Variants in RGS3 observed in about 807,000 individuals in gnomAD.
The protein encoded by RGS3 is regulator of G protein signaling 3.
A neutral mutation model predicts 132.6 loss-of-function variants in RGS3; 80 were observed. The observed-to-expected ratio is 0.60, with a 90% CI of 0.50 to 0.73. The LOEUF is 0.73. RGS3 is among the 30% of genes least tolerant of loss of function. RGS3 has a pLI of 0.00. For missense variants in RGS3, 1,382 were observed against 1,530.8 expected (o/e 0.90, Z 1.62); for synonymous variants, 598 against 620.6 (o/e 0.96, Z 0.54).
rs764386791 is a variant in RGS3 at position 113,595,759 on chromosome 9, C to G, written c.3405C>G (p.Cys1135Trp). ...CTGAATACATCGCGATCCAGGCATG[C>G]AAGGAGGTAGGACCTCAGGGCAGAC... Residue 1135 changes from cysteine (C) to tryptophan (W), a missense_variant, in exon 24 of 25, where the codon TGC becomes TGG. By Grantham distance (215) the Cys-to-Trp change is radical. Coordinates refer to ENST00000350696, the Ensembl canonical transcript of RGS3. The G allele has an allele frequency of 2.2e-5, 36 of 1,613,796 alleles. 2 individuals are homozygous for G. In the Admixed American group the frequency reaches 5.8e-4, roughly 26 times the overall value.
chr9:113,582,367 C>G (rs530774338), intron 19 of RGS3: 1 of 242,026 alleles, frequency 4.1e-6, no homozygotes, highest in Admixed American at 6.5e-5. Flanking sequence ...CCAGTGTGCG[C>G]GTGTGCCCGC....
chr9:113,464,567 A>G lies in RGS3; in HGVS notation c.415+2366A>G, dbSNP rs115960495. Among the ~76,000 whole-genome samples, 252 of 152,038 alleles carry G rather than the reference A, an allele frequency of 1.7e-3. 2 individuals are homozygous for G. Among genetic ancestry groups the G allele is most frequent in the African/African-American group, 5.6e-3 (232 of 41,470 alleles). The stretch of plus-strand genomic sequence containing the variant: ...CCTGGTAGCCATAGTAAAGGTAACA[A>G]CCCTACCCTTGAGGGTAACCCTTCA... On this transcript the variant is annotated intron_variant, in intron 3 of 24. Coordinates refer to ENST00000350696, the Ensembl canonical transcript of RGS3.
intron 19 of RGS3, among the ~76,000 whole-genome samples, chr9:113,555,850 G>C (rs557215262): frequency 6.6e-6 from 1 of 152,298 alleles, no homozygotes; most frequent in South Asian, 2.1e-4. Context: ...CAGTAGTTAA[G>C]GCTCTAAATG....
chr9:113,497,929 A>G, intron 9 of RGS3, 96 bp from the exon 8 acceptor site: 7 of 1,276,286 alleles, frequency 5.5e-6, no homozygotes, highest in Admixed American at 3.6e-5. Context: ...GGGCAGCCCC[A>G]TGGGCCTGTT....
chr9:113,519,472 A>G (rs1184148676), intron 16 of RGS3, among the ~76,000 whole-genome samples: 1 of 151,742 alleles, frequency 6.6e-6, no homozygotes, highest in Non-Finnish European at 1.5e-5. Flanking sequence ...ATGGCAACCA[A>G]ACATGTAGAT....
At chr9:113,452,971 T>C (rs966141168) in intron 1 of RGS3, among the ~76,000 whole-genome samples, 12 of 135,152 alleles carry the variant, frequency 8.9e-5, no homozygotes, top group African/African-American at 3.3e-4. Flanking sequence ...AAATAAAATA[T>C]ATTTATACAT....
chr9:113,540,614 G>GAA (rs918886554), intron 19 of RGS3, among the ~76,000 whole-genome samples: 7 of 152,330 alleles, frequency 4.6e-5, no homozygotes, highest in African/African-American at 1.7e-4. Context: ...GAGAAGCATG[G>GAA]AAACCAAGCC....
chr9:113,449,908 A>C (rs1829200933), intron 1 of RGS3, among the ~76,000 whole-genome samples: 1 of 151,004 alleles, frequency 6.6e-6, no homozygotes, highest in South Asian at 2.1e-4. Context: ...ACTCTTGGCT[A>C]ATTTTTTTGT....
At chr9:113,576,014 C>T (rs530216122) in intron 19 of RGS3, among the ~76,000 whole-genome samples, 119 of 152,104 alleles carry the variant, frequency 7.8e-4, no homozygotes, top group African/African-American at 2.7e-3. Flanking sequence ...TCCTGGCTAA[C>T]ATGGTGAAAC....
At chr9:113,491,065 T>C (rs899986974) in intron 7 of RGS3, among the ~76,000 whole-genome samples, 13 of 139,902 alleles carry the variant, frequency 9.3e-5, no homozygotes, top group Admixed American at 2.9e-4. Context: ...ATTATAATTA[T>C]ATATTGGTAT....
intron 17 of RGS3, among the ~76,000 whole-genome samples, chr9:113,524,454 G>A (rs963742052): frequency 6.6e-6 from 1 of 152,188 alleles, no homozygotes; most frequent in Non-Finnish European, 1.5e-5. Flanking sequence ...CACATTACAA[G>A]GCTGAAGCTA....
exon 25 of RGS3, chr9:113,597,232 C>G (rs1359404889): frequency 2.6e-6 from 1 of 377,954 alleles, no homozygotes; most frequent in African/African-American, 2.0e-5. Context: ...GGAGCTGCTG[C>G]TCCCTGCTGC....
At chr9:113,589,104 C>T (rs1019250915) in intron 20 of RGS3, 2 of 152,274 alleles carry the variant, frequency 1.3e-5, no homozygotes, top group African/African-American at 4.8e-5. Context: ...GACTCACCTC[C>T]ATCTGCTTTT....
At chr9:113,499,317 G>T (rs931630164) in intron 10 of RGS3, among the ~76,000 whole-genome samples, 2 of 150,298 alleles carry the variant, frequency 1.3e-5, no homozygotes, top group South Asian at 2.1e-4. Context: ...TTCACTGCCC[G>T]CTCTAAGGCA....
chr9:113,583,805 A>G (rs1273705027), exon 20 of RGS3: 2 of 1,613,950 alleles, frequency 1.2e-6, no homozygotes, highest in East Asian at 2.2e-5. Context: ...CTACTCACCA[A>G]AGACCTCCCT....
intron 3 of RGS3, among the ~76,000 whole-genome samples, chr9:113,477,988 G>T (rs567680222): frequency 1.3e-5 from 2 of 152,230 alleles, no homozygotes; most frequent in Non-Finnish European, 1.5e-5. Flanking sequence ...AAACATTTTC[G>T]ATGTCACCGA....
intron 19 of RGS3, among the ~76,000 whole-genome samples, chr9:113,553,060 A>T (rs1003222543): frequency 6.6e-6 from 1 of 152,038 alleles, no homozygotes; most frequent in African/African-American, 2.4e-5. Context: ...GGTTCCTCCA[A>T]ATTTTCCCCC....
At chr9:113,547,465 A>G (rs929581537) in intron 19 of RGS3, among the ~76,000 whole-genome samples, 1 of 152,048 alleles carries the variant, frequency 6.6e-6, no homozygotes, top group Non-Finnish European at 1.5e-5. Context: ...CTCCAACCCA[A>G]TATCTTCCCC....
At chr9:113,448,675 T>C (rs974998065) in intron 1 of RGS3, among the ~76,000 whole-genome samples, 1 of 152,220 alleles carries the variant, frequency 6.6e-6, no homozygotes, top group African/African-American at 2.4e-5. Flanking sequence ...GTCTTCACTA[T>C]ATAAATATCC....
Sources: gnomAD v4.1 joint callset for allele counts (sites outside exome capture counted in the v4.1 genomes callset) on GRCh38, gnomAD v4.1.1 for gene constraint, MANE v1.5 for transcripts, NCBI Gene and HGNC (gene_info 2026-07-23, HGNC 2026-07-21) for gene names.